The following CTNNA3 variants were observed in gnomAD, a reference collection of about 807,000 sequenced individuals.
CTNNA3 encodes the protein catenin alpha-3.
A neutral mutation model predicts 95.7 loss-of-function variants in CTNNA3; 76 were observed. That is an observed-to-expected ratio of 0.79 (90% CI 0.66 to 0.96). CTNNA3 has a LOEUF of 0.96. Among genes scored for constraint, CTNNA3 ranks in the 40% least tolerant of loss-of-function variants. The pLI, the probability that CTNNA3 is intolerant of heterozygous loss-of-function variation, is 0.00. For synonymous variants in CTNNA3, 431 were observed against 374.4 expected (o/e 1.15, Z -1.74); for missense variants, 1,191 against 1,089.8 (o/e 1.09, Z -1.31).
intron 16 of CTNNA3, among the ~76,000 whole-genome samples, chr10:65,973,476 T>A (rs553154367): frequency 6.6e-6 from 1 of 152,160 alleles, no homozygotes; most frequent in Non-Finnish European, 1.5e-5. Context: ...CCAGGATCTA[T>A]AAGGAACTTA....
chr10:66,341,438 G>A (rs1219930780), intron 12 of CTNNA3, among the ~76,000 whole-genome samples: 1 of 151,706 alleles, frequency 6.6e-6, no homozygotes, highest in Non-Finnish European at 1.5e-5. Context: ...GCAAAATTAA[G>A]CTATTAAAAC....
intron 10 of CTNNA3, among the ~76,000 whole-genome samples, chr10:66,581,545 AT>A (rs1843189587): frequency 6.6e-6 from 1 of 151,324 alleles, no homozygotes; most frequent in Admixed American, 6.6e-5. Context: ...CCATTTGTAT[AT>A]TTTTTGAGAA....
At chr10:66,292,011 T>C (rs564762363) in intron 12 of CTNNA3, among the ~76,000 whole-genome samples, 1 of 151,596 alleles carries the variant, frequency 6.6e-6, no homozygotes, top group Non-Finnish European at 1.5e-5. Context: ...CACATACAGA[T>C]ATATATACAC....
chr10:67,585,717 ATCT>A (rs1360749015), intron 3 of CTNNA3, among the ~76,000 whole-genome samples: 5 of 151,864 alleles, frequency 3.3e-5, no homozygotes, highest in Admixed American at 1.3e-4. Context: ...TGAGTCTTCC[ATCT>A]TCTTGGTTGG....
At chr10:66,041,193 C>T (rs1903865) in intron 15 of CTNNA3, among the ~76,000 whole-genome samples, 117,875 of 152,058 alleles carry the variant, frequency 0.78, 46,162 homozygotes, top group South Asian at 0.91. Flanking sequence ...CCAACCCCAA[C>T]TGGCAGTTAT....
chr10:66,346,234 TATATATATATATAGAGAGAGAG>T (rs766608690), intron 12 of CTNNA3, among the ~76,000 whole-genome samples: 7,889 of 44,898 alleles, frequency 0.18, 211 homozygotes, highest in Middle Eastern at 0.25. Context: ...TATATATATA[TATATATATATATAGAGAGAGAG>T]AGAGAGAGAG....
chr10:66,860,092 A>G (rs1843854331), intron 7 of CTNNA3, among the ~76,000 whole-genome samples: 1 of 148,564 alleles, frequency 6.7e-6, no homozygotes, highest in South Asian at 2.2e-4. Context: ...GGTGCAGCAT[A>G]CCAGCATGGC....
At chr10:67,648,856 A>G in intron 1 of CTNNA3, 2 of 1,138,928 alleles carry the variant, frequency 1.8e-6, no homozygotes, top group African/African-American at 3.2e-5. Flanking sequence ...GGCTCCAAAC[A>G]CTATTGCCAA....
intron 5 of CTNNA3, among the ~76,000 whole-genome samples, chr10:67,446,427 C>T (rs759907181): frequency 6.6e-6 from 1 of 152,162 alleles, no homozygotes; most frequent in African/African-American, 2.4e-5. Context: ...TCAGGACCCT[C>T]ATCTTACTCA....
intron 7 of CTNNA3, among the ~76,000 whole-genome samples, chr10:67,003,857 C>G (rs1320006840): frequency 2.0e-5 from 3 of 152,106 alleles, no homozygotes; most frequent in African/African-American, 4.8e-5. Flanking sequence ...CATACATTTG[C>G]AATGCATCAG....
intron 17 of CTNNA3, among the ~76,000 whole-genome samples, chr10:65,960,409 C>T (rs2077819110): frequency 6.6e-6 from 1 of 152,014 alleles, no homozygotes; most frequent in African/African-American, 2.4e-5. Flanking sequence ...CCTGTAGTCC[C>T]ACCTACTCGG....
At chr10:66,784,086 G>A (rs1165818749) in intron 7 of CTNNA3, among the ~76,000 whole-genome samples, 1 of 152,126 alleles carries the variant, frequency 6.6e-6, no homozygotes, top group Non-Finnish European at 1.5e-5. Flanking sequence ...ACTGTAATCT[G>A]TGTCTTGCAG....
chr10:66,880,451 T>A (rs966588332), intron 7 of CTNNA3, among the ~76,000 whole-genome samples: 7 of 152,126 alleles, frequency 4.6e-5, no homozygotes, highest in African/African-American at 1.7e-4. Context: ...GACTTGTGTA[T>A]GTTCAGCTAT....
chr10:66,458,824 C>T (rs1264015650), intron 11 of CTNNA3, among the ~76,000 whole-genome samples: 2 of 152,056 alleles, frequency 1.3e-5, no homozygotes, highest in East Asian at 3.9e-4. Context: ...ACCATTCATC[C>T]CGTGAAGAGC....
intron 5 of CTNNA3, among the ~76,000 whole-genome samples, chr10:67,358,456 AC>A (rs1842891248): frequency 6.6e-6 from 1 of 152,120 alleles, no homozygotes; most frequent in Non-Finnish European, 1.5e-5. Flanking sequence ...TTAAAAGTTG[AC>A]AAAAAAGAAC....
chr10:66,487,182 T>TA (rs1491197186), intron 11 of CTNNA3, among the ~76,000 whole-genome samples: 236 of 5,522 alleles, frequency 0.043, 2 homozygotes, highest in African/African-American at 0.081. Flanking sequence ...AAAGGGCAGA[T>TA]TTTTTTTTTT....
intron 7 of CTNNA3, among the ~76,000 whole-genome samples, chr10:66,974,563 CT>C: frequency 6.6e-6 from 1 of 152,100 alleles, no homozygotes; most frequent in Admixed American, 6.6e-5. Context: ...GAATGCTTAC[CT>C]TTTTAAAGAA....
chr10:66,080,329 CAA>C (rs1405430193), intron 14 of CTNNA3, among the ~76,000 whole-genome samples: 1 of 151,560 alleles, frequency 6.6e-6, no homozygotes, highest in African/African-American at 2.4e-5. Context: ...TATATATATA[CAA>C]GAGAGTGATC....
At chr10:66,493,076 T>C (rs956725518) in intron 11 of CTNNA3, among the ~76,000 whole-genome samples, 5 of 152,152 alleles carry the variant, frequency 3.3e-5, no homozygotes, top group Non-Finnish European at 7.4e-5. Context: ...TAGGGAAATG[T>C]AGTGAGAATA....
Sources: allele counts gnomAD v4.1 joint callset (sites outside exome capture counted in the v4.1 genomes callset), GRCh38; gene constraint gnomAD v4.1.1; transcripts MANE v1.5; gene names NCBI Gene and HGNC (gene_info 2026-07-23, HGNC 2026-07-21).